The following PLCXD3 variants were observed in gnomAD, a reference collection of about 807,000 sequenced individuals.
PLCXD3 encodes phosphatidylinositol specific phospholipase C X domain containing 3.
PLCXD3 carries 19 observed loss-of-function variants against 25.5 expected under a neutral mutation model. The observed-to-expected ratio is 0.75, with a 90% CI of 0.52 to 1.09. The LOEUF is 1.09. Ranked by LOEUF, PLCXD3 falls within the 50% of genes least tolerant of loss-of-function variation. The pLI is 0.00. For synonymous variants in PLCXD3, 174 were observed against 137.6 expected (o/e 1.26, Z -1.85); for missense variants, 411 against 388.1 (o/e 1.06, Z -0.50).
intron 1 of PLCXD3, among the ~76,000 whole-genome samples, chr5:41,396,327 C>T (rs1337957235): frequency 6.6e-6 from 1 of 152,134 alleles, no homozygotes; most frequent in Non-Finnish European, 1.5e-5. Context: ...CCTTCTCTCT[C>T]TCTCTCTCTT....
intron 2 of PLCXD3, among the ~76,000 whole-genome samples, chr5:41,316,565 G>A (rs994667121): frequency 2.0e-4 from 31 of 152,290 alleles, no homozygotes; most frequent in African/African-American, 7.2e-4. Context: ...TAGAGTCCCC[G>A]ATTCCAGGAC....
chr5:41,497,150 A>G (rs1343925706), intron 1 of PLCXD3, among the ~76,000 whole-genome samples: 1 of 151,882 alleles, frequency 6.6e-6, no homozygotes, highest in Non-Finnish European at 1.5e-5. Context: ...GGTGAAAAAA[A>G]GGTATGAAAA....
At chr5:41,346,331 A>C (rs1744302214) in intron 2 of PLCXD3, among the ~76,000 whole-genome samples, 1 of 152,200 alleles carries the variant, frequency 6.6e-6, no homozygotes, top group Admixed American at 6.5e-5. Flanking sequence ...AACTAGTTGT[A>C]ATATAGTATT....
chr5:41,382,605 C>T, intron 1 of PLCXD3, 71 bp from the exon 2 acceptor site: 3 of 1,186,858 alleles, frequency 2.5e-6, no homozygotes, highest in African/African-American at 1.5e-5. Flanking sequence ...TTCCCTCTTG[C>T]AATATCCATA....
At position 41,381,225 on chromosome 5, in the gene PLCXD3, A is replaced by G. The variant is rs566386960; in HGVS notation, c.812+601T>C. On this transcript the variant is annotated intron_variant, in intron 2 of 2. Coordinates refer to ENST00000377801, the MANE Select transcript of PLCXD3 (RefSeq NM_001005473.3). ...AGAGAAAGGATATTGCAATCTATAA[A>G]GCACTACACAAATGTGAAAAAGGGT... 3.3e-5 allele frequency among the ~76,000 whole-genome samples: 5 copies of G among 152,294 alleles called. No individual in the cohort carries two copies. In the South Asian group the frequency reaches 1.0e-3, roughly 32 times the overall value.
intron 1 of PLCXD3, among the ~76,000 whole-genome samples, chr5:41,400,256 A>G (rs1746138302): frequency 6.6e-6 from 1 of 152,144 alleles, no homozygotes; most frequent in South Asian, 2.1e-4. Flanking sequence ...AAATTAGTGC[A>G]ACCACTATGG....
At chr5:41,464,858 G>C (rs1004905799) in intron 1 of PLCXD3, among the ~76,000 whole-genome samples, 3 of 151,798 alleles carry the variant, frequency 2.0e-5, no homozygotes, top group African/African-American at 7.3e-5. Flanking sequence ...ATATCTTTGT[G>C]TTGTGTTCTT....
rs751131624 is a variant in PLCXD3 at position 41,440,249 on chromosome 5, T to TTTTTTTTTTTTTTG, written c.104-57716_104-57715insCAAAAAAAAAAAAA. ...TTTTTTTTTTTTTTTTTTTTTTTTT[T>TTTTTTTTTTTTTTG]TTAGTCAGAGTCTCACTGTGTCACC... On this transcript the variant is annotated intron_variant, in intron 1 of 2. Transcript: ENST00000377801. Among the ~76,000 whole-genome samples, 514 of 100,336 alleles carry TTTTTTTTTTTTTTG rather than the reference T, an allele frequency of 5.1e-3. 43 individuals carry two copies. The highest frequency in any genetic ancestry group is 7.3e-3 in the East Asian group (21 of 2,880). 65.8% of individuals were successfully genotyped at this position (100,336 alleles called of 152,430 possible).
At chr5:41,317,780 C>T (rs777304480) in intron 2 of PLCXD3, among the ~76,000 whole-genome samples, 1 of 151,642 alleles carries the variant, frequency 6.6e-6, no homozygotes, top group Non-Finnish European at 1.5e-5. Context: ...GCAGAAGAAA[C>T]AGTGACCTTG....
At chr5:41,460,978 C>T (rs1465316331) in intron 1 of PLCXD3, among the ~76,000 whole-genome samples, 3 of 151,612 alleles carry the variant, frequency 2.0e-5, no homozygotes, top group Non-Finnish European at 4.4e-5. Flanking sequence ...ATCAACAATA[C>T]ATTCAGAATA....
At chr5:41,500,177 A>T (rs1748923118) in intron 1 of PLCXD3, among the ~76,000 whole-genome samples, 1 of 151,906 alleles carries the variant, frequency 6.6e-6, no homozygotes, top group Admixed American at 6.6e-5. Flanking sequence ...TTAGTGCCCA[A>T]CAATAGATGA....
At chr5:41,400,837 AAAG>A (rs1746160276) in intron 1 of PLCXD3, among the ~76,000 whole-genome samples, 1 of 152,048 alleles carries the variant, frequency 6.6e-6, no homozygotes, top group Non-Finnish European at 1.5e-5. Context: ...AAAATAACTT[AAAG>A]AATATAATTG....
At chr5:41,354,063 G>T (rs992528151) in intron 2 of PLCXD3, among the ~76,000 whole-genome samples, 1 of 152,074 alleles carries the variant, frequency 6.6e-6, no homozygotes, top group African/African-American at 2.4e-5. Context: ...TAGCCCCACA[G>T]CTTTTTTGCA....
At chr5:41,472,945 T>C (rs1480817716) in intron 1 of PLCXD3, among the ~76,000 whole-genome samples, 1 of 152,212 alleles carries the variant, frequency 6.6e-6, no homozygotes, top group Non-Finnish European at 1.5e-5. Flanking sequence ...AAAAAACTCA[T>C]GGTTGATTCA....
intron 1 of PLCXD3, among the ~76,000 whole-genome samples, chr5:41,451,033 G>T (rs1367988283): frequency 6.6e-6 from 1 of 152,036 alleles, no homozygotes; most frequent in Non-Finnish European, 1.5e-5. Flanking sequence ...TGGTTTGGAG[G>T]AGTTCTCCAA....
chr5:41,415,775 A>G (rs1746678112), intron 1 of PLCXD3, among the ~76,000 whole-genome samples: 1 of 152,204 alleles, frequency 6.6e-6, no homozygotes. Flanking sequence ...CATTTGAGGT[A>G]ATTTGCCCCT....
chr5:41,381,299 G>A (rs552524889), intron 2 of PLCXD3, among the ~76,000 whole-genome samples: 1 of 152,200 alleles, frequency 6.6e-6, no homozygotes, highest in East Asian at 1.9e-4. Flanking sequence ...GGTGTTATGG[G>A]TTGATCTGTG....
At chr5:41,419,780 T>C (rs1490063138) in intron 1 of PLCXD3, among the ~76,000 whole-genome samples, 1 of 152,182 alleles carries the variant, frequency 6.6e-6, no homozygotes, top group Non-Finnish European at 1.5e-5. Context: ...AGCTGTAAAA[T>C]AGGGAAAAGA....
chr5:41,396,236 G>T (rs1427809511), intron 1 of PLCXD3, among the ~76,000 whole-genome samples: 1 of 152,104 alleles, frequency 6.6e-6, no homozygotes, highest in Admixed American at 6.5e-5. Flanking sequence ...GATTATGGTG[G>T]TAGATTTCCC....
Sources: gnomAD v4.1 joint callset for allele counts (sites outside exome capture counted in the v4.1 genomes callset) on GRCh38, gnomAD v4.1.1 for gene constraint, MANE v1.5 for transcripts, NCBI Gene and HGNC (gene_info 2026-07-23, HGNC 2026-07-21) for gene names.